Variants in TNN observed in about 807,000 individuals in gnomAD.
TNN encodes tenascin-N.
In TNN, 122 loss-of-function variants were observed where a neutral mutation model predicts 134.4. That is an observed-to-expected ratio of 0.91 (90% CI 0.78 to 1.06). The LOEUF is 1.06. TNN is among the 50% of genes least tolerant of loss of function. The probability of loss-of-function intolerance (pLI) is 0.00; values close to 1 mark genes in which losing one functional copy is unlikely to be tolerated. For synonymous variants in TNN, 710 were observed against 670.3 expected (o/e 1.06, Z -0.91); for missense variants, 1,739 against 1,699.4 (o/e 1.02, Z -0.41).
intron 12 of TNN, among the ~76,000 whole-genome samples, chr1:175,124,252 G>A (rs1334077239): frequency 6.6e-6 from 1 of 152,194 alleles, no homozygotes; most frequent in Non-Finnish European, 1.5e-5. Context: ...GTGTTGCCAC[G>A]GGACCTAGAG....
chr1:175,092,771 T>C (rs1674482244), intron 6 of TNN, among the ~76,000 whole-genome samples: 1 of 152,304 alleles, frequency 6.6e-6, no homozygotes, highest in African/African-American at 2.4e-5. Context: ...TCTCTATAAA[T>C]GGCCACTCCA....
chr1:175,089,044 G>A (rs1240666146), intron 6 of TNN, among the ~76,000 whole-genome samples: 1 of 152,162 alleles, frequency 6.6e-6, no homozygotes, highest in Non-Finnish European at 1.5e-5. Flanking sequence ...AACCAGGATA[G>A]AATATTTTAT....
chr1:175,067,972 G>A (rs1325688880), intron 1 of TNN, 37 bp downstream of exon 1: 2 of 460,812 alleles, frequency 4.3e-6, no homozygotes, highest in Non-Finnish European at 4.4e-6. Context: ...ACTTACTGGA[G>A]GGAGGGAGGT....
At chr1:175,069,033 G>A (rs1162052473) in intron 1 of TNN, among the ~76,000 whole-genome samples, 1 of 152,190 alleles carries the variant, frequency 6.6e-6, no homozygotes. Flanking sequence ...AAGAATGAAT[G>A]AGAACAGGCA....
chr1:175,126,803 T>C, intron 12 of TNN, 152 bp from the exon 13 acceptor site: 1 of 769,786 alleles, frequency 1.3e-6, no homozygotes, highest in Non-Finnish European at 2.0e-6. Flanking sequence ...AGAAAGGCCC[T>C]GTGGCAGGGA....
At chr1:175,128,792 C>T in intron 15 of TNN, 46 bp downstream of exon 15, 3 of 1,559,372 alleles carry the variant, frequency 1.9e-6, no homozygotes, top group Non-Finnish European at 2.6e-6. Flanking sequence ...GGCCTTCCTT[C>T]TCAGCCCAGG....
chr1:175,102,340 A>G (rs1204810731), intron 9 of TNN, among the ~76,000 whole-genome samples: 1 of 146,168 alleles, frequency 6.8e-6, no homozygotes, highest in African/African-American at 2.5e-5. Context: ...ACTGGGTGCC[A>G]TGGAGCAGGG....
chr1:175,137,847 C>G (rs1425240150), intron 17 of TNN, among the ~76,000 whole-genome samples: 1 of 152,222 alleles, frequency 6.6e-6, no homozygotes, highest in Non-Finnish European at 1.5e-5. Context: ...ACATGGCGGT[C>G]TCTCTCCTTA....
At position 175,106,833 on chromosome 1, in the gene TNN, A is replaced by C. The variant is rs574472431; in HGVS notation, c.2119+8238A>C. 3.8e-4 allele frequency among the ~76,000 whole-genome samples: 56 copies of C among 145,746 alleles called. 4 individuals carry two copies. Among genetic ancestry groups the C allele is most frequent in the Non-Finnish European group, 5.8e-4 (38 of 65,646 alleles). On this transcript the variant is annotated intron_variant, in intron 9 of 18. Transcript: ENST00000239462. ...AGCGGAAGCTGGTTCTAGGCAAACC[A>C]ACGGTCCCAACTCCAAAGAGTTGGG... is the stretch of plus-strand genomic sequence containing the variant.
chr1:175,142,470 CA>C (rs35440177), intron 17 of TNN, among the ~76,000 whole-genome samples: 3 of 151,944 alleles, frequency 2.0e-5, no homozygotes, highest in African/African-American at 7.3e-5. Context: ...CCCTAAAAAA[CA>C]AGTGAAGTTG....
intron 11 of TNN, among the ~76,000 whole-genome samples, chr1:175,122,273 A>T (rs1675399243): frequency 6.6e-6 from 1 of 151,844 alleles, no homozygotes; most frequent in Non-Finnish European, 1.5e-5. Context: ...CTGTATTCCC[A>T]GCTACTCTGG....
chr1:175,147,299 G>T lies in TNN; in HGVS notation c.*228G>T, dbSNP rs568565988. 1.0e-5 allele frequency: 4 copies of T among 394,166 alleles called. 1 individual carries two copies. Among genetic ancestry groups the T allele is most frequent in the African/African-American group, 8.2e-5 (4 of 48,788 alleles). 24.4% of individuals were successfully genotyped at this position (394,166 alleles called of 1,614,324 possible). On this transcript the variant is annotated 3_prime_UTR_variant, in exon 19 of 19. Coordinates refer to ENST00000239462, the MANE Select transcript of TNN (RefSeq NM_022093.2). ...TTGCACAGTATGTGTAGGAAAGACAGTACTGGAACGGCAAGGTTTCTCAGC... is the reference window on the plus strand; with the variant it reads ...TTGCACAGTATGTGTAGGAAAGACATTACTGGAACGGCAAGGTTTCTCAGC...
At chr1:175,096,914 C>T (rs1481000214) in intron 7 of TNN, among the ~76,000 whole-genome samples, 2 of 152,116 alleles carry the variant, frequency 1.3e-5, no homozygotes, top group African/African-American at 4.8e-5. Context: ...TTAGACCAGA[C>T]CTCAGATACT....
chr1:175,127,971 T>A, intron 13 of TNN, 61 bp from the exon 14 acceptor site: 1 of 1,596,876 alleles, frequency 6.3e-7, no homozygotes, highest in Non-Finnish European at 8.6e-7. Flanking sequence ...TGTTGACACC[T>A]AGGGTGCTAG....
intron 1 of TNN, among the ~76,000 whole-genome samples, chr1:175,070,728 T>G (rs1009143171): frequency 1.3e-5 from 2 of 152,184 alleles, no homozygotes; most frequent in African/African-American, 4.8e-5. Flanking sequence ...AGACCTCCCT[T>G]GTATATCCAT....
intron 1 of TNN, among the ~76,000 whole-genome samples, chr1:175,070,147 T>C (rs1431754141): frequency 6.6e-6 from 1 of 152,216 alleles, no homozygotes; most frequent in Non-Finnish European, 1.5e-5. Context: ...GTTCTTGCTG[T>C]GAGAAAGTGA....
At chr1:175,122,465 A>C (rs1236526118) in intron 11 of TNN, among the ~76,000 whole-genome samples, 4 of 25,918 alleles carry the variant, frequency 1.5e-4, no homozygotes, top group African/African-American at 5.5e-4. Context: ...TTGCTAACAA[A>C]GGACTGAAGA....
At position 175,144,570 on chromosome 1, in the gene TNN, C is replaced by G. The variant is rs1331901747; in HGVS notation, c.3759+20C>G. 4 of 1,612,146 alleles carry G rather than the reference C, an allele frequency of 2.5e-6. No individual in the cohort carries two copies. The highest frequency in any genetic ancestry group is 3.4e-6 in the Non-Finnish European group (4 of 1,178,954). On this transcript the variant is annotated intron_variant, in intron 18 of 18. Transcript: ENST00000239462. ...AGTGAGGTAGGTGACAGGTGAATGT[C>G]TTTTCTGTCCCAGGGTATGTCCATA...
chr1:175,085,893 A>AAAG (rs1553313387), intron 6 of TNN, among the ~76,000 whole-genome samples: 4 of 151,618 alleles, frequency 2.6e-5, no homozygotes, highest in African/African-American at 9.7e-5. Flanking sequence ...AAAAAAAAAA[A>AAAG]AGAGAATTCT....
Sources: gnomAD v4.1 joint callset for allele counts (sites outside exome capture counted in the v4.1 genomes callset) on GRCh38, gnomAD v4.1.1 for gene constraint, MANE v1.5 for transcripts, NCBI Gene and HGNC (gene_info 2026-07-23, HGNC 2026-07-21) for gene names.